The following UNC13C variants were observed in gnomAD, a reference collection of about 807,000 sequenced individuals.
UNC13C encodes the protein unc-13 homolog C, also known as protein unc-13 homolog C.
Under a neutral mutation model 245.4 loss-of-function variants are expected in UNC13C, and 174 were observed. That is an observed-to-expected ratio of 0.71 (90% CI 0.63 to 0.80). The LOEUF (loss-of-function observed/expected upper bound fraction) is 0.80, where lower values mean the gene tolerates loss of function less well. Ranked by LOEUF, UNC13C falls within the 30% of genes least tolerant of loss-of-function variation. The probability of loss-of-function intolerance (pLI) is 0.00; values close to 1 mark genes in which losing one functional copy is unlikely to be tolerated. For synonymous variants in UNC13C, 992 were observed against 895.1 expected (o/e 1.11, Z -1.93); for missense variants, 2,829 against 2,602.9 (o/e 1.09, Z -1.89).
Position 54,343,897 on chromosome 15 carries a change from G to C in UNC13C, c.4713+5408G>C, listed in dbSNP as rs187857112. Among the ~76,000 whole-genome samples, 3 of 124,012 alleles carry C rather than the reference G, an allele frequency of 2.4e-5. No homozygotes were observed. The East Asian group carries it at 6.1e-4, about 25-fold the overall frequency. 81.4% of individuals were successfully genotyped at this position (124,012 alleles called of 152,430 possible). ...ACTAAGAGTTAACATTTGGGGTAAG[G>C]GGGGGTCCTGGCTAACAGATCTGAT... is the stretch of plus-strand genomic sequence containing the variant. On this transcript the variant is annotated intron_variant, in intron 17 of 32. Coordinates refer to ENST00000260323, the MANE Select transcript of UNC13C (RefSeq NM_001080534.3).
the UNC13C span, among the ~76,000 whole-genome samples, chr15:53,921,492 C>G: frequency 3.9e-5 from 6 of 152,268 alleles, no homozygotes; most frequent in African/African-American, 9.6e-5. Flanking sequence ...GGCCAATTCT[C>G]TGTGGAGACT....
chr15:54,267,398 A>T (rs1268792474), intron 10 of UNC13C, among the ~76,000 whole-genome samples: 1 of 152,104 alleles, frequency 6.6e-6, no homozygotes, highest in Non-Finnish European at 1.5e-5. Flanking sequence ...CTCATTCCCA[A>T]TCTCAAGTGG....
intron 2 of UNC13C, among the ~76,000 whole-genome samples, chr15:54,141,816 A>G (rs1474569613): frequency 6.6e-6 from 1 of 152,130 alleles, no homozygotes; most frequent in African/African-American, 2.4e-5. Context: ...GCATCTGAAG[A>G]TACAACCCTG....
At chr15:54,279,090 A>G (rs1055533420) in intron 10 of UNC13C, among the ~76,000 whole-genome samples, 1 of 152,168 alleles carries the variant, frequency 6.6e-6, no homozygotes. Context: ...TTTAATGATA[A>G]AGGGCAATAC....
At chr15:54,498,227 T>G (rs1175953968) in intron 20 of UNC13C, among the ~76,000 whole-genome samples, 1 of 151,836 alleles carries the variant, frequency 6.6e-6, no homozygotes, top group Non-Finnish European at 1.5e-5. Flanking sequence ...ACAAAAACAA[T>G]AAAATACATA....
Position 54,074,179 on chromosome 15 carries a change from G to A in UNC13C, c.2983+58293G>A, listed in dbSNP as rs372105278. Among the ~76,000 whole-genome samples the A allele has an allele frequency of 5.3e-5, 8 of 152,268 alleles. No individual in the cohort carries two copies. The East Asian group carries it at 5.8e-4, about 11-fold the overall frequency. On this transcript the variant is annotated intron_variant, in intron 2 of 32. Coordinates refer to ENST00000260323, the MANE Select transcript of UNC13C (RefSeq NM_001080534.3). The stretch of plus-strand genomic sequence containing the variant: ...TTTTTGTCAGGTTTGCCAAAGATCC[G>A]ATGGTTGTAGTTGTGTGGTATTATT...
At chr15:53,928,517 A>G in the UNC13C span, among the ~76,000 whole-genome samples, 2 of 152,300 alleles carry the variant, frequency 1.3e-5, no homozygotes, top group Admixed American at 6.5e-5. Context: ...GATTTTGTTT[A>G]TGGCCAGTTT....
At chr15:54,403,861 G>C (rs561631169) in intron 18 of UNC13C, among the ~76,000 whole-genome samples, 1 of 152,084 alleles carries the variant, frequency 6.6e-6, no homozygotes, top group Non-Finnish European at 1.5e-5. Context: ...AGGGTGATTG[G>C]CTTCAAATGG....
chr15:53,960,830 T>C, the UNC13C span, among the ~76,000 whole-genome samples: 11 of 152,212 alleles, frequency 7.2e-5, no homozygotes, highest in Admixed American at 7.2e-4. Context: ...ATCCCAACTA[T>C]GCACATATTA....
intron 4 of UNC13C, among the ~76,000 whole-genome samples, chr15:54,202,394 G>T (rs935334407): frequency 1.3e-5 from 2 of 151,940 alleles, no homozygotes; most frequent in East Asian, 3.9e-4. Context: ...AAATATGGAG[G>T]CATCACATTA....
chr15:54,286,758 C>T (rs570123403), intron 10 of UNC13C, among the ~76,000 whole-genome samples: 3 of 152,276 alleles, frequency 2.0e-5, no homozygotes, highest in Admixed American at 1.3e-4. Context: ...GTGATTGGCT[C>T]TGCAGAGCAC....
At chr15:54,058,382 G>C (rs924388431) in intron 2 of UNC13C, among the ~76,000 whole-genome samples, 2 of 152,114 alleles carry the variant, frequency 1.3e-5, no homozygotes, top group Non-Finnish European at 2.9e-5. Context: ...TAAGTTCCTC[G>C]ACACATACAC....
At chr15:54,210,653 A>G (rs1458329081) in intron 4 of UNC13C, among the ~76,000 whole-genome samples, 3 of 152,092 alleles carry the variant, frequency 2.0e-5, no homozygotes, top group Non-Finnish European at 2.9e-5. Flanking sequence ...AAGAACTATG[A>G]ATTTCTGATA....
intron 4 of UNC13C, among the ~76,000 whole-genome samples, chr15:54,170,910 A>C (rs2033374844): frequency 6.6e-6 from 1 of 152,086 alleles, no homozygotes; most frequent in Non-Finnish European, 1.5e-5. Context: ...TCTGCGCAAG[A>C]CTCAGATGGC....
In UNC13C at chr15:54,013,756, C is replaced by A. The variant is rs1229194827; in HGVS notation, c.853C>A (p.Gln285Lys). ...DEISSSVEVV[Q>K]SEIEQLRTGF... Reference sequence around the variant, plus strand: ...GATCTCCAGCAGTGTGGAGGTTGTACAAAGTGAAATTGAGCAGTTGCGCAC... The same window carrying A: ...GATCTCCAGCAGTGTGGAGGTTGTAAAAAGTGAAATTGAGCAGTTGCGCAC... Residue 285 changes from glutamine to lysine, a missense_variant, in exon 2 of 33, where the codon CAA (glutamine) becomes AAA (lysine). Gln to Lys is a moderately conservative substitution (Grantham distance 53). Transcript: ENST00000260323. 4 of 1,610,714 alleles carry A rather than the reference C, an allele frequency of 2.5e-6. No individual in the cohort carries two copies. The highest frequency in any genetic ancestry group is 3.4e-6 in the Non-Finnish European group (4 of 1,178,646).
chr15:53,853,162 GCT>G, the UNC13C span, among the ~76,000 whole-genome samples: 1 of 151,948 alleles, frequency 6.6e-6, no homozygotes, highest in Non-Finnish European at 1.5e-5. Flanking sequence ...TCTTCCTGAT[GCT>G]CTCTCTCCCC....
Position 54,012,810 on chromosome 15 carries a change from T to A in UNC13C, c.-94T>A, listed in dbSNP as rs141017465. Reference sequence around the variant, plus strand: ...TGCTCTTTCCAGTGATTCACAGAACTTCTGAACAGTGATGCTTGCCTTGGA... The same window carrying A: ...TGCTCTTTCCAGTGATTCACAGAACATCTGAACAGTGATGCTTGCCTTGGA... On this transcript the variant is annotated 5_prime_UTR_variant, in exon 2 of 33. Transcript: ENST00000260323. The A allele has an allele frequency of 9.0e-6, 9 of 1,003,908 alleles. No individual in the cohort carries two copies. In the African/African-American group the frequency reaches 1.3e-4, roughly 14 times the overall value. 62.2% of individuals were successfully genotyped at this position (1,003,908 alleles called of 1,614,324 possible).
At chr15:54,050,405 G>A (rs1897227795) in intron 2 of UNC13C, 1 of 556,136 alleles carries the variant, frequency 1.8e-6, no homozygotes, top group African/African-American at 1.9e-5. Context: ...TATTTTCTGG[G>A]AATATTCTCT....
At chr15:54,169,026 C>T (rs6493665) in intron 4 of UNC13C, among the ~76,000 whole-genome samples, 76,490 of 151,952 alleles carry the variant, frequency 0.5, 19,541 homozygotes, top group Middle Eastern at 0.6. Context: ...TGTAATAGAT[C>T]CCTGCTGATA....
Sources: gnomAD v4.1 joint callset for allele counts (sites outside exome capture counted in the v4.1 genomes callset) on GRCh38, gnomAD v4.1.1 for gene constraint, MANE v1.5 for transcripts, NCBI Gene and HGNC (gene_info 2026-07-23, HGNC 2026-07-21) for gene names.